The following SCIMP variants were observed in gnomAD, a reference collection of about 807,000 sequenced individuals.
SCIMP encodes the protein SLP adaptor and CSK interacting membrane protein.
SCIMP carries 18 observed loss-of-function variants against 22.0 expected under a neutral mutation model. That is an observed-to-expected ratio of 0.82 (90% confidence interval 0.56 to 1.21). The LOEUF (loss-of-function observed/expected upper bound fraction) is 1.21, where lower values mean the gene tolerates loss of function less well. Among genes scored for constraint, SCIMP ranks in the 50% most tolerant of loss-of-function variants. SCIMP has a pLI of 0.00. For missense variants in SCIMP, 155 were observed against 171.2 expected, an observed-to-expected ratio of 0.91 and a Z score of 0.53; for synonymous variants, 53 against 62.2, an observed-to-expected ratio of 0.85 and a Z score of 0.70.
In SCIMP at chr17:5,216,240, C is replaced by T. The variant is rs149196504; in HGVS notation, c.210-1242G>A. On this transcript the variant is annotated intron_variant, in intron 3 of 4. Coordinates refer to ENST00000574081, the MANE Select transcript of SCIMP (RefSeq NM_207103.3). ...ATAAATAAATACTGGTGTACTCCCA[C>T]GGTGGAATGTTCTATAGCAACAAGA... Among the ~76,000 whole-genome samples, 45 of 152,150 alleles carry T rather than the reference C, an allele frequency of 3.0e-4. 1 individual carries two copies. The highest frequency in any genetic ancestry group is 9.2e-4 in the African/African-American group (38 of 41,510).
intron 4 of SCIMP, 67 bp from the exon 5 acceptor site, chr17:5,211,022 G>A: frequency 2.0e-6 from 3 of 1,532,946 alleles, no homozygotes; most frequent in Non-Finnish European, 1.7e-6. Flanking sequence ...GAAGGCAGTG[G>A]CTCAGCGTGA....
At chr17:5,231,776 G>C (rs117100997) in intron 1 of SCIMP, among the ~76,000 whole-genome samples, 1 of 152,094 alleles carries the variant, frequency 6.6e-6, no homozygotes, top group African/African-American at 2.4e-5. Flanking sequence ...TCATCTTGGC[G>C]GGACGCGGTG....
chr17:5,222,332 C>G (rs1332234331), intron 2 of SCIMP, among the ~76,000 whole-genome samples: 4 of 151,972 alleles, frequency 2.6e-5, no homozygotes, highest in Admixed American at 6.6e-5. Flanking sequence ...ACCTCGTGGT[C>G]CACCCACCTC....
At chr17:5,223,156 G>A (rs1441589690) in intron 2 of SCIMP, among the ~76,000 whole-genome samples, 177 bp downstream of exon 2, 2 of 152,082 alleles carry the variant, frequency 1.3e-5, no homozygotes, top group Non-Finnish European at 2.9e-5. Context: ...TGAGGAAACT[G>A]AGGCCTAGAG....
chr17:5,212,419 G>A (rs1598153896), intron 4 of SCIMP, among the ~76,000 whole-genome samples: 1 of 152,138 alleles, frequency 6.6e-6, no homozygotes, highest in East Asian at 1.9e-4. Flanking sequence ...TGGATCACGA[G>A]GTCAGGAGAT....
Position 5,210,532 on chromosome 17 carries a change from C to T in SCIMP, c.*269G>A, listed in dbSNP as rs936167140. ...GGTGGGAGCCATGGAGCCCCGTGGT[C>T]CTTCCCATGGAAAGTTTCCTCAACA... On this transcript the variant is annotated 3_prime_UTR_variant, in exon 5 of 5. Coordinates refer to ENST00000574081, the MANE Select transcript of SCIMP (RefSeq NM_207103.3). The T allele has an allele frequency of 2.8e-6, 1 of 353,192 alleles. No homozygotes were observed. The highest frequency in any genetic ancestry group is 5.1e-6 in the Non-Finnish European group (1 of 197,234). The allele number at this position is 353,192 out of a possible 1,614,324, so 21.9% of individuals were successfully genotyped here.
intron 1 of SCIMP, among the ~76,000 whole-genome samples, chr17:5,234,391 A>G (rs570513157): frequency 6.7e-6 from 1 of 149,526 alleles, no homozygotes; most frequent in African/African-American, 2.5e-5. Flanking sequence ...ATCGGCATCC[A>G]GAAAGTGAGA....
At chr17:5,213,778 G>A (rs2074544386) in intron 4 of SCIMP, 1 of 152,222 alleles carries the variant, frequency 6.6e-6, no homozygotes, top group Non-Finnish European at 1.5e-5. Flanking sequence ...GACCTAGGAA[G>A]TGGAGATTGC....
At chr17:5,231,927 G>T (rs958546258) in intron 1 of SCIMP, among the ~76,000 whole-genome samples, 8 of 152,190 alleles carry the variant, frequency 5.3e-5, no homozygotes, top group African/African-American at 1.9e-4. Context: ...ATGGTGGCAG[G>T]CGCCTGTAGT....
Position 5,210,952 on chromosome 17 carries a change from G to T in SCIMP, c.287C>A (p.Pro96Gln), listed in dbSNP as rs188679694. The change falls in exon 5 of 5, where the codon CCA (proline) becomes CAA (glutamine). Residue 96 changes from proline (P) to glutamine (Q), a missense_variant. Pro to Gln is a moderately conservative substitution (Grantham distance 76). Coordinates refer to ENST00000574081, the MANE Select transcript of SCIMP (RefSeq NM_207103.3). ...GGGCGGCTGACTTGGGGCTTCCTGT[G>T]GGGCTAGAATACACAAAAAGCTCCT... ...RNWPSLEDSS[P>Q]QEAPSQPPAT... 2 of 1,610,036 alleles carry T rather than the reference G, an allele frequency of 1.2e-6. No homozygotes were observed. Among genetic ancestry groups the T allele is most frequent in the Non-Finnish European group, 1.7e-6 (2 of 1,179,048 alleles).
intron 1 of SCIMP, among the ~76,000 whole-genome samples, chr17:5,231,386 A>C (rs2074692898): frequency 6.6e-6 from 1 of 151,864 alleles, no homozygotes; most frequent in Admixed American, 6.6e-5. Flanking sequence ...AAAGAAAAAA[A>C]GTTGTTTTTC....
intron 3 of SCIMP, 173 bp from the exon 4 acceptor site, chr17:5,215,171 C>T (rs1176473814): frequency 2.2e-5 from 12 of 547,458 alleles, no homozygotes; most frequent in Non-Finnish European, 3.9e-5. Flanking sequence ...TTGTAATTGG[C>T]ACCCTAATGA....
At chr17:5,221,682 A>T (rs1299928753) in intron 2 of SCIMP, among the ~76,000 whole-genome samples, 1 of 152,244 alleles carries the variant, frequency 6.6e-6, no homozygotes, top group East Asian at 1.9e-4. Flanking sequence ...TATAAATTAT[A>T]GCCTGCTTGT....
chr17:5,211,338 A>C (rs1159092656), intron 4 of SCIMP, among the ~76,000 whole-genome samples: 3 of 152,112 alleles, frequency 2.0e-5, no homozygotes, highest in Non-Finnish European at 2.9e-5. Context: ...CTTGGGCAAC[A>C]CAGGGAGACC....
intron 1 of SCIMP, among the ~76,000 whole-genome samples, chr17:5,228,975 T>C (rs1044929416): frequency 1.3e-5 from 2 of 152,062 alleles, no homozygotes; most frequent in Non-Finnish European, 1.5e-5. Flanking sequence ...CTGAAATTAC[T>C]GTGCTGTGCA....
intron 3 of SCIMP, among the ~76,000 whole-genome samples, chr17:5,217,243 C>T (rs371390465): frequency 3.4e-4 from 52 of 152,194 alleles, no homozygotes; most frequent in East Asian, 1.5e-3. Context: ...GGGGTCTACT[C>T]GGTGGGGGAG....
chr17:5,227,550 A>G (rs1567843314), intron 1 of SCIMP, among the ~76,000 whole-genome samples: 1 of 152,114 alleles, frequency 6.6e-6, no homozygotes, highest in African/African-American at 2.4e-5. Flanking sequence ...AGGATTAGAG[A>G]AGGGAGTGAC....
chr17:5,228,921 C>T (rs1309062599), intron 1 of SCIMP, among the ~76,000 whole-genome samples: 2 of 152,120 alleles, frequency 1.3e-5, no homozygotes, highest in Non-Finnish European at 2.9e-5. Context: ...ATAGATGGAC[C>T]TCCCACCCGA....
intron 1 of SCIMP, 184 bp downstream of exon 1, chr17:5,234,551 G>A (rs2074729305): frequency 3.1e-6 from 2 of 639,782 alleles, no homozygotes; most frequent in South Asian, 3.7e-5. Flanking sequence ...GTTACCAGTA[G>A]AGCAGATCCT....
Sources: gnomAD v4.1 joint callset for allele counts (sites outside exome capture counted in the v4.1 genomes callset) on GRCh38, gnomAD v4.1.1 for gene constraint, MANE v1.5 for transcripts, NCBI Gene and HGNC (gene_info 2026-07-23, HGNC 2026-07-21) for gene names.